Variants in DTYMK observed in about 807,000 individuals in gnomAD.
The protein encoded by DTYMK is thymidylate kinase.
Under a neutral mutation model 20.3 loss-of-function variants are expected in DTYMK, and 20 were observed. That is an observed-to-expected ratio of 0.99 (90% CI 0.69 to 1.43). The LOEUF (loss-of-function observed/expected upper bound fraction) is 1.43. Ranked by LOEUF, DTYMK falls within the 40% of genes most tolerant of loss-of-function variation. The pLI, the probability that DTYMK is intolerant of heterozygous loss-of-function variation, is 0.00. For synonymous variants in DTYMK, 148 were observed against 124.4 expected (o/e 1.19, Z -1.27); for missense variants, 320 against 291.1 (o/e 1.10, Z -0.72).
chr2:241,681,559 T>G (rs2069258401), intron 2 of DTYMK, among the ~76,000 whole-genome samples: 1 of 151,776 alleles, frequency 6.6e-6, no homozygotes, highest in Non-Finnish European at 1.5e-5. Context: ...ACAAAATGAA[T>G]CACAGACCCA....
chr2:241,686,256 C>A (rs2069400244), intron 1 of DTYMK, among the ~76,000 whole-genome samples: 1 of 152,214 alleles, frequency 6.6e-6, no homozygotes, highest in South Asian at 2.1e-4. Context: ...AACACAACAC[C>A]AGAAAAACCC....
chr2:241,686,014 G>A (rs2069387455), intron 1 of DTYMK, 137 bp from the exon 2 acceptor site: 2 of 814,562 alleles, frequency 2.5e-6, no homozygotes, highest in African/African-American at 3.4e-5. Flanking sequence ...AGACAGGCTT[G>A]GATCTTCTGC....
At position 241,685,570 on chromosome 2, in the gene DTYMK, CAGG is replaced by C. The variant is rs1382235868; in HGVS notation, c.239+196_239+198del. 227 of 509,626 alleles carry C rather than the reference CAGG, an allele frequency of 4.5e-4. 2 individuals are homozygous for C. Among genetic ancestry groups the C allele is most frequent in the Non-Finnish European group, 4.6e-5 (13 of 284,918 alleles). 31.6% of individuals were successfully genotyped at this position (509,626 alleles called of 1,614,324 possible). On this transcript the variant is annotated intron_variant, in intron 2 of 4. Coordinates refer to ENST00000305784, the MANE Select transcript of DTYMK (RefSeq NM_012145.4). Reference sequence around the variant, plus strand: ...TCTATTAGTTATGGGGTGTGGGGAGCAGGAGGACGAAACAGCATTCATTAGCGC... The same window carrying C: ...TCTATTAGTTATGGGGTGTGGGGAGCAGGACGAAACAGCATTCATTAGCGC...
At chr2:241,682,415 C>A in intron 2 of DTYMK, 1 of 325,456 alleles carries the variant, frequency 3.1e-6, no homozygotes, top group Non-Finnish European at 6.1e-6. Flanking sequence ...ATAAAAGACA[C>A]ATTTTATAAA....
chr2:241,679,404 C>G (rs540190501), intron 3 of DTYMK, among the ~76,000 whole-genome samples: 108 of 152,314 alleles, frequency 7.1e-4, no homozygotes, highest in African/African-American at 2.5e-3. Context: ...GTCTTGTCCT[C>G]CTTATTATAC....
chr2:241,684,967 A>G (rs1205816602), intron 2 of DTYMK: 3 of 280,296 alleles, frequency 1.1e-5, no homozygotes, highest in Non-Finnish European at 2.3e-5. Flanking sequence ...TAAAACATTA[A>G]GTCTATGAGG....
chr2:241,676,058 G>A lies in DTYMK; in HGVS notation c.*69C>T. ...TGGGGTCTGGACTCTGCTGGGGACG[G>A]GGCCTTCCGCGAGTCTCCCACCTCT... On this transcript the variant is annotated 3_prime_UTR_variant, in exon 5 of 5. Transcript: ENST00000305784. 1 of 1,449,324 alleles carries A rather than the reference G, an allele frequency of 6.9e-7. No homozygotes were observed. The highest frequency in any genetic ancestry group is 9.4e-7 in the Non-Finnish European group (1 of 1,069,364). 89.8% of individuals were successfully genotyped at this position (1,449,324 alleles called of 1,614,324 possible). A position where few individuals can be genotyped will look rare whatever the true frequency, so the allele number is the denominator to read the frequency against.
intron 3 of DTYMK, 93 bp from the exon 4 acceptor site, chr2:241,678,742 G>C: frequency 7.1e-7 from 1 of 1,416,782 alleles, no homozygotes; most frequent in Non-Finnish European, 9.8e-7. Context: ...GGGACATTTG[G>C]TGAGGTACCA....
At chr2:241,682,398 AAT>A (rs1213562547) in intron 2 of DTYMK, 1 of 341,226 alleles carries the variant, frequency 2.9e-6, no homozygotes, top group Admixed American at 4.2e-5. Flanking sequence ...CCTAGGAGAA[AAT>A]ATGTATAAAA....
At chr2:241,685,940 A>T in intron 1 of DTYMK, 63 bp from the exon 2 acceptor site, 1 of 1,526,696 alleles carries the variant, frequency 6.6e-7, no homozygotes, top group Non-Finnish European at 9.0e-7. Context: ...ATATTACAAT[A>T]TAGTTTGGAC....
In DTYMK at chr2:241,676,052, G is replaced by A; in HGVS notation, c.*75C>T. 1 of 1,393,988 alleles carries A rather than the reference G, an allele frequency of 7.2e-7. No homozygotes were observed. The allele number at this position is 1,393,988 out of a possible 1,614,324, so 86.4% of individuals were successfully genotyped here. ...AAGTTGTGGGGTCTGGACTCTGCTG[G>A]GGACGGGGCCTTCCGCGAGTCTCCC... On this transcript the variant is annotated 3_prime_UTR_variant, in exon 5 of 5. Coordinates refer to ENST00000305784, the MANE Select transcript of DTYMK (RefSeq NM_012145.4).
At chr2:241,685,742 G>C (rs1158177349) in intron 2 of DTYMK, 27 bp downstream of exon 2, 1 of 1,603,772 alleles carries the variant, frequency 6.2e-7, no homozygotes. Flanking sequence ...GGCAAGGGCA[G>C]AGGGAGCAGT....
chr2:241,680,969 C>A (rs2069244919), intron 2 of DTYMK, among the ~76,000 whole-genome samples: 1 of 152,186 alleles, frequency 6.6e-6, no homozygotes, highest in Non-Finnish European at 1.5e-5. Context: ...GAAGAAAGCA[C>A]AGGCAAAGAA....
chr2:241,685,957 T>G (rs2069385802), intron 1 of DTYMK, 80 bp from the exon 2 acceptor site: 1 of 1,390,198 alleles, frequency 7.2e-7, no homozygotes, highest in South Asian at 1.2e-5. Context: ...GGACTGAATT[T>G]CTCCCGGACT....
rs2069377455 is a variant in DTYMK at position 241,685,781 on chromosome 2, C to T, written c.227G>A (p.Arg76His). Residue 76 changes from arginine to histidine, a missense_variant, in exon 2 of 5, where the codon CGC (arginine) becomes CAC (histidine). Coordinates refer to ENST00000305784, the MANE Select transcript of DTYMK (RefSeq NM_012145.4). ...HSVHLLFSAN[R>H]WEQVPLIKEK... ...CAATGGTTTTTACACTTGTTCCCAG[C>T]GATTTGCAGAAAAAAGCAGGTGCAC... is the stretch of plus-strand genomic sequence containing the variant. 6.2e-7 allele frequency: 1 copy of T among 1,613,876 alleles called. No individual in the cohort carries two copies. The highest frequency in any genetic ancestry group is 8.5e-7 in the Non-Finnish European group (1 of 1,179,816).
intron 3 of DTYMK, among the ~76,000 whole-genome samples, chr2:241,679,644 A>G (rs1017772772): frequency 1.3e-5 from 2 of 151,856 alleles, no homozygotes; most frequent in Admixed American, 6.6e-5. Flanking sequence ...AAAACGGGGG[A>G]AAAAAGTACT....
rs1218594419 is a variant in DTYMK, at chr2:241,685,881, GA to G, written c.131-5del. On this transcript the variant is annotated splice_polypyrimidine_tract_variant and splice_region_variant and intron_variant, in intron 1 of 4. Transcript: ENST00000305784. ...TTGCCGATTTCAGTTGATCTTTCTA[GA>G]AAAAAAGAGAAACACACAAAATGCA... 2 of 1,612,936 alleles carry G rather than the reference GA, an allele frequency of 1.2e-6. No individual in the cohort carries two copies. The highest frequency in any genetic ancestry group is 2.7e-5 in the African/African-American group (2 of 74,792).
chr2:241,679,248 A>C (rs2069185904), intron 3 of DTYMK, among the ~76,000 whole-genome samples: 1 of 152,194 alleles, frequency 6.6e-6, no homozygotes, highest in South Asian at 2.1e-4. Flanking sequence ...TTCCGGAGGA[A>C]AGGTAGGACC....
chr2:241,678,168 G>A (rs1196835675), intron 4 of DTYMK, among the ~76,000 whole-genome samples: 1 of 152,052 alleles, frequency 6.6e-6, no homozygotes, highest in East Asian at 1.9e-4. Context: ...TACTCGGGAG[G>A]CTGAGGCAGG....
Sources: allele counts gnomAD v4.1 joint callset (sites outside exome capture counted in the v4.1 genomes callset), GRCh38; gene constraint gnomAD v4.1.1; transcripts MANE v1.5; gene names NCBI Gene and HGNC (gene_info 2026-07-23, HGNC 2026-07-21).